TRMU: variants seen among roughly 807,000 people sequenced by gnomAD.
The protein encoded by TRMU is tRNA mitochondrial 2-thiouridylase, also known as mitochondrial tRNA-specific 2-thiouridylase 1.
TRMU carries 49 observed loss-of-function variants against 46.9 expected under a neutral mutation model. That is an observed-to-expected ratio of 1.05 (90% CI 0.83 to 1.33). TRMU has a LOEUF of 1.33. Among genes scored for constraint, TRMU ranks in the 40% most tolerant of loss-of-function variants. The pLI is 0.00. For missense variants in TRMU, 572 were observed against 532.4 expected (o/e 1.07, Z -0.73); for synonymous variants, 241 against 200.9 (o/e 1.20, Z -1.69).
intron 4 of TRMU, 63 bp downstream of exon 4, chr22:46,346,607 T>A (rs1002601027): frequency 6.4e-7 from 1 of 1,573,952 alleles, no homozygotes; most frequent in African/African-American, 1.4e-5. Context: ...TTTGGAGGAA[T>A]GACAGTGGGT....
rs373471059 is a variant in TRMU, at chr22:46,356,894, G to A, written c.1154G>A (p.Arg385Gln). The A allele has an allele frequency of 2.4e-5, 39 of 1,613,306 alleles. 1 individual carries two copies. The highest frequency in any genetic ancestry group is 1.6e-4 in the East Asian group (7 of 44,884). ...DECLGSGKILRLGPSAYTLQK... is the reference protein window; with the variant it reads ...DECLGSGKILQLGPSAYTLQK... ...TGCCTGGGCAGCGGGAAGATCCTGC[G>A]GCTGGGGCCGTCTGCCTACACGCTC... Residue 385 changes from arginine (R) to glutamine (Q), a missense_variant, in exon 11 of 11, where the codon CGG becomes CAG. Arg to Gln is a conservative substitution (Grantham distance 43). Coordinates refer to ENST00000645190, the MANE Select transcript of TRMU (RefSeq NM_018006.5).
rs1329513359 is a variant in TRMU at position 46,336,224 on chromosome 22, C to T, written c.82+378C>T. The T allele has an allele frequency of 3.9e-6, 4 of 1,017,272 alleles. No individual in the cohort carries two copies. The highest frequency in any genetic ancestry group is 3.7e-6 in the Non-Finnish European group (3 of 819,660). The allele number at this position is 1,017,272 out of a possible 1,614,324, so 63.0% of individuals were successfully genotyped here. A position where few individuals can be genotyped will look rare whatever the true frequency, so the allele number is the denominator to read the frequency against. On this transcript the variant is annotated intron_variant, in intron 1 of 10. Coordinates refer to ENST00000645190, the MANE Select transcript of TRMU (RefSeq NM_018006.5). The surrounding 1 kb of genome is among the most constrained non-coding windows in gnomAD (Gnocchi z 4.1). ...GTGAGGGGAGCTGGGATCGCCGGGC[C>T]GGGGGCCTGACCTCTGCACACGCTG... is the stretch of plus-strand genomic sequence containing the variant.
chr22:46,350,563 T>C lies in TRMU; in HGVS notation c.651+100T>C. The C allele has an allele frequency of 6.9e-7, 1 of 1,444,162 alleles. No homozygotes were observed. The highest frequency in any genetic ancestry group is 1.2e-5 in the South Asian group (1 of 86,220). 89.5% of individuals were successfully genotyped at this position (1,444,162 alleles called of 1,614,324 possible). A position where few individuals can be genotyped will look rare whatever the true frequency, so the allele number is the denominator to read the frequency against. ...GTGGGTCCCGCACCACTTCCCCTTC[T>C]CCAGGACCTAACATCAAAGGCGGGC... On this transcript the variant is annotated intron_variant, in intron 5 of 10. Transcript: ENST00000645190. The surrounding 1 kb of genome is among the most constrained non-coding windows in gnomAD (Gnocchi z 4.6).
In TRMU at chr22:46,357,273, G is replaced by C. The variant is rs1602005364; in HGVS notation, c.*267G>C. ...CCCCCAGGGAGGGTTTCCCACCTCAGAGTACACCGAGGGGACCTGCAGAGG... is the reference window on the plus strand; with the variant it reads ...CCCCCAGGGAGGGTTTCCCACCTCACAGTACACCGAGGGGACCTGCAGAGG... On this transcript the variant is annotated 3_prime_UTR_variant, in exon 11 of 11. Coordinates refer to ENST00000645190, the MANE Select transcript of TRMU (RefSeq NM_018006.5). 1 of 562,074 alleles carries C rather than the reference G, an allele frequency of 1.8e-6. No homozygotes were observed. Among genetic ancestry groups the C allele is most frequent in the South Asian group, 2.0e-5 (1 of 50,308 alleles). The allele number at this position is 562,074 out of a possible 1,614,324, so 34.8% of individuals were successfully genotyped here.
Position 46,355,500 on chromosome 22 carries a change from G to A in TRMU, c.930G>A (p.Val310=), listed in dbSNP as rs1341680061. ...GGGACCTGCTGAGGACCAGCCGCGT[G>A]CACTGGATTGCGGAGGAGCCTCCCG... The part of the protein sequence containing the change: ...LYRDLLRTSR[V]HWIAEEPPAA... Residue 310 remains valine (V), a synonymous_variant, in exon 9 of 11, where the codon GTG becomes GTA. Transcript: ENST00000645190. The A allele has an allele frequency of 8.1e-6, 13 of 1,613,296 alleles. No individual in the cohort carries two copies. Among genetic ancestry groups the A allele is most frequent in the Admixed American group, 3.3e-5 (2 of 60,030 alleles).
intron 7 of TRMU, chr22:46,352,959 G>A: frequency 5.4e-6 from 1 of 184,188 alleles, no homozygotes; most frequent in Non-Finnish European, 1.2e-5. Context: ...TCTTGACACA[G>A]CACAGACCTG....
At position 46,349,641 on chromosome 22, in the gene TRMU, C is replaced by T. The variant is rs1451626453; in HGVS notation, c.479-650C>T. On this transcript the variant is annotated intron_variant, in intron 4 of 10. Transcript: ENST00000645190. This position sits in a 1 kb window ranked among gnomAD's most constrained non-coding sequence, Gnocchi z 4.6. ...GACGGTTCTAAGCCAGGTTTACTCA[C>T]ACCTCTGCTCCGTTGCCTTAAAGCC... Among the ~76,000 whole-genome samples, 1 of 152,248 alleles carries T rather than the reference C, an allele frequency of 6.6e-6. No individual in the cohort carries two copies. Among genetic ancestry groups the T allele is most frequent in the Non-Finnish European group, 1.5e-5 (1 of 68,044 alleles).
intron 9 of TRMU, 178 bp downstream of exon 9, chr22:46,355,766 G>C: frequency 8.4e-7 from 1 of 1,191,352 alleles, no homozygotes; most frequent in East Asian, 2.6e-5. Context: ...GAGGCCTGGG[G>C]GTGCTGGGAG....
rs137858146 is a variant in TRMU, at chr22:46,338,936, A to G, written c.248+992A>G. On this transcript the variant is annotated intron_variant, in intron 2 of 10. Transcript: ENST00000645190. The surrounding 1 kb of genome is among the most constrained non-coding windows in gnomAD (Gnocchi z 4.5). ...GTAGCTTATTATATGACCTTGGGCA[A>G]TTTACTTGACTTTGTTTTTTTAATT... Among the ~76,000 whole-genome samples the G allele has an allele frequency of 6.6e-6, 1 of 152,028 alleles. No homozygotes were observed. Among genetic ancestry groups the G allele is most frequent in the South Asian group, 2.1e-4 (1 of 4,824 alleles).
rs191273245 is a variant in TRMU at position 46,339,094 on chromosome 22, G to A, written c.248+1150G>A. ...CAGGGTTATGAAAGAATTGAGATTA[G>A]GTTCTAGTATGTATGCCTGGTATAT... On this transcript the variant is annotated intron_variant, in intron 2 of 10. Coordinates refer to ENST00000645190, the MANE Select transcript of TRMU (RefSeq NM_018006.5). The surrounding 1 kb of genome is among the most constrained non-coding windows in gnomAD (Gnocchi z 4.8). Among the ~76,000 whole-genome samples, 289 of 152,110 alleles carry A rather than the reference G, an allele frequency of 1.9e-3. 2 individuals carry two copies. Among genetic ancestry groups the A allele is most frequent in the Non-Finnish European group, 2.7e-3 (186 of 68,030 alleles).
rs1569091490 is a variant in TRMU at position 46,356,980 on chromosome 22, G to A, written c.1240G>A (p.Gly414Ser). The change falls in exon 11 of 11, where the codon GGT (glycine) becomes AGT (serine). Residue 414 changes from glycine (G) to serine (S), a missense_variant. Transcript: ENST00000645190. ...TESPSDSPED[G>S]PGLSPLL The stretch of plus-strand genomic sequence containing the variant: ...GAGCCCCAGTGACAGCCCAGAAGAT[G>A]GTCCAGGCCTGAGTCCCTTGCTCTG... 1.2e-6 allele frequency: 2 copies of A among 1,613,588 alleles called. No homozygotes were observed. Among genetic ancestry groups the A allele is most frequent in the Non-Finnish European group, 1.7e-6 (2 of 1,180,016 alleles).
intron 8 of TRMU, 101 bp from the exon 9 acceptor site, chr22:46,355,337 CTGTGTG>C (rs1177147478): frequency 2.1e-6 from 3 of 1,453,248 alleles, no homozygotes; most frequent in Admixed American, 1.9e-5. Flanking sequence ...GCACCGTTAC[CTGTGTG>C]TGTGTGTGCT....
rs905090633 is a variant in TRMU at position 46,342,988 on chromosome 22, C to T, written c.249-274C>T. Among the ~76,000 whole-genome samples the T allele has an allele frequency of 5.9e-5, 9 of 152,210 alleles. No homozygotes were observed. Among genetic ancestry groups the T allele is most frequent in the Admixed American group, 3.3e-4 (5 of 15,286 alleles). On this transcript the variant is annotated intron_variant, in intron 2 of 10. Coordinates refer to ENST00000645190, the MANE Select transcript of TRMU (RefSeq NM_018006.5). This position sits in a 1 kb window ranked among gnomAD's most constrained non-coding sequence, Gnocchi z 4.7. ...AGGCAGGGTTTTAGTGAGACCCTCA[C>T]GGCCACTCCCCACTCCTGACCCCAT...
At position 46,348,789 on chromosome 22, in the gene TRMU, C is replaced by T. The variant is rs1475393180; in HGVS notation, c.479-1502C>T. Among the ~76,000 whole-genome samples, 3 of 152,158 alleles carry T rather than the reference C, an allele frequency of 2.0e-5. No individual in the cohort carries two copies. Among genetic ancestry groups the T allele is most frequent in the Non-Finnish European group, 4.4e-5 (3 of 68,034 alleles). ...GAAAATGCAAATGGCTCCTAGTTTTCTGAGGCTTTTACACACATGCAGTGT... is the reference window on the plus strand; with the variant it reads ...GAAAATGCAAATGGCTCCTAGTTTTTTGAGGCTTTTACACACATGCAGTGT... On this transcript the variant is annotated intron_variant, in intron 4 of 10. Transcript: ENST00000645190. This position sits in a 1 kb window ranked among gnomAD's most constrained non-coding sequence, Gnocchi z 4.8.
Position 46,343,309 on chromosome 22 carries a change from T to TA in TRMU, c.297dup (p.Val100SerfsTer9). On this transcript the variant is annotated frameshift_variant, in exon 3 of 11. Coordinates refer to ENST00000645190, the MANE Select transcript of TRMU (RefSeq NM_018006.5). LOFTEE classifies it high-confidence loss of function. The stretch of plus-strand genomic sequence containing the variant: ...AAAGGAAGGACTCCCAATCCTGACA[T>TA]AGTTTGCAACAAGCACATCAAATTT... The TA allele has an allele frequency of 6.2e-7, 1 of 1,614,024 alleles. No homozygotes were observed.
intron 10 of TRMU, 67 bp downstream of exon 10, chr22:46,356,139 G>GT (rs2147118224): frequency 6.3e-7 from 1 of 1,583,782 alleles, no homozygotes; most frequent in African/African-American, 1.3e-5. Flanking sequence ...GGGCACCCGG[G>GT]TTACAGAGGA....
At chr22:46,341,303 G>C (rs1449072119) in intron 2 of TRMU, among the ~76,000 whole-genome samples, 1 of 152,216 alleles carries the variant, frequency 6.6e-6, no homozygotes, top group Non-Finnish European at 1.5e-5. Flanking sequence ...GTTGGGTCTA[G>C]GACACAGACA....
At chr22:46,341,379 A>G (rs911137634) in intron 2 of TRMU, among the ~76,000 whole-genome samples, 1 of 152,260 alleles carries the variant, frequency 6.6e-6, no homozygotes, top group Admixed American at 6.5e-5. Flanking sequence ...AATTAAAGCA[A>G]AATGGAAAGA....
chr22:46,350,445 T>C lies in TRMU; in HGVS notation c.633T>C (p.His211=), dbSNP rs1171040431. Residue 211 remains histidine (H), a synonymous_variant, in exon 5 of 11, where the codon CAT becomes CAC. Transcript: ENST00000645190. The surrounding 1 kb of genome is among the most constrained non-coding windows in gnomAD (Gnocchi z 4.6). ...TCGCTGCTGAGAATAGACTTCATCATGTGCTTCAGAAGAAAGAGGTACGAG... is the reference window on the plus strand; with the variant it reads ...TCGCTGCTGAGAATAGACTTCATCACGTGCTTCAGAAGAAAGAGGTACGAG... ...KKIAAENRLH[H]VLQKKESMGM... The C allele has an allele frequency of 3.1e-6, 5 of 1,613,710 alleles. No homozygotes were observed. In the South Asian group the frequency reaches 4.4e-5, roughly 14 times the overall value.
Sources: allele counts gnomAD v4.1 joint callset (sites outside exome capture counted in the v4.1 genomes callset), GRCh38; gene constraint gnomAD v4.1.1; non-coding constraint Gnocchi (gnomAD v3.1); transcripts MANE v1.5; gene names NCBI Gene and HGNC (gene_info 2026-07-23, HGNC 2026-07-21).